Variants in TRIM24 observed in about 807,000 individuals in gnomAD.
The protein encoded by TRIM24 is transcription intermediary factor 1-alpha.
A neutral mutation model predicts 123.9 loss-of-function variants in TRIM24; 29 were observed. That is an observed-to-expected ratio of 0.23 (90% CI 0.17 to 0.32). The LOEUF is 0.32. Among genes scored for constraint, TRIM24 ranks in the 10% least tolerant of loss-of-function variants. TRIM24 has a pLI of 1.00. For synonymous variants in TRIM24, 456 were observed against 461.1 expected, an observed-to-expected ratio of 0.99 and a Z score of 0.14; for missense variants, 932 against 1,295.3, an observed-to-expected ratio of 0.72 and a Z score of 4.31.
At chr7:138,493,593 T>C (rs1795841527) in intron 1 of TRIM24, among the ~76,000 whole-genome samples, 1 of 152,214 alleles carries the variant, frequency 6.6e-6, no homozygotes, top group Admixed American at 6.5e-5. Flanking sequence ...CTGATAGATG[T>C]CACCAGAGAA....
chr7:138,477,018 AG>A (rs1795417986), intron 1 of TRIM24, among the ~76,000 whole-genome samples: 1 of 151,256 alleles, frequency 6.6e-6, no homozygotes, highest in African/African-American at 2.4e-5. Flanking sequence ...GTAGAAATCA[AG>A]GTGCAGAAGA....
intron 7 of TRIM24, 27 bp from the exon 8 acceptor site, chr7:138,551,036 T>C (rs1797200373): frequency 6.3e-7 from 1 of 1,584,568 alleles, no homozygotes; most frequent in Non-Finnish European, 8.7e-7. Context: ...TTGCCTAATA[T>C]TTAGTTATCT....
intron 4 of TRIM24, 52 bp downstream of exon 4, chr7:138,519,373 T>TAA: frequency 6.5e-7 from 1 of 1,534,348 alleles, no homozygotes. Flanking sequence ...TTTAGAGGAC[T>TAA]AAAGGACTGC....
chr7:138,575,284 CAGG>C (rs1256100203), intron 12 of TRIM24, among the ~76,000 whole-genome samples: 5 of 151,944 alleles, frequency 3.3e-5, no homozygotes, highest in Non-Finnish European at 7.4e-5. Context: ...CTTATATTAT[CAGG>C]AGATTATAAA....
intron 1 of TRIM24, among the ~76,000 whole-genome samples, chr7:138,479,808 TATTTTATTTTTTA>T (rs1222703846): frequency 2.0e-5 from 3 of 147,750 alleles, no homozygotes; most frequent in East Asian, 4.1e-4. Context: ...GCCCGGCATT[TATTTTATTTTTTA>T]ATTTTATTTT....
chr7:138,508,708 C>CGTGGGCGT (rs1554436689), intron 2 of TRIM24, among the ~76,000 whole-genome samples: 1 of 136,194 alleles, frequency 7.3e-6, no homozygotes. Flanking sequence ...CGCGTGTGTG[C>CGTGGGCGT]GTGTGTGTGT....
At chr7:138,538,603 C>G in intron 6 of TRIM24, 54 bp from the exon 7 acceptor site, 1 of 1,573,570 alleles carries the variant, frequency 6.4e-7, no homozygotes, top group Non-Finnish European at 8.7e-7. Context: ...AAATGACCAT[C>G]AAAGTCTATG....
chr7:138,504,091 T>G (rs114784398), intron 1 of TRIM24, among the ~76,000 whole-genome samples, 199 bp from the exon 2 acceptor site: 1,985 of 152,248 alleles, frequency 0.013, 36 homozygotes, highest in African/African-American at 0.045. Flanking sequence ...TATGAAAAAT[T>G]TATTTATCAT....
At chr7:138,533,771 A>T (rs902317002) in intron 6 of TRIM24, among the ~76,000 whole-genome samples, 2 of 152,116 alleles carry the variant, frequency 1.3e-5, no homozygotes, top group African/African-American at 4.8e-5. Flanking sequence ...TATTCGTTGG[A>T]ATAGTTTCAG....
At chr7:138,563,563 C>T (rs1797471123) in intron 9 of TRIM24, among the ~76,000 whole-genome samples, 1 of 152,192 alleles carries the variant, frequency 6.6e-6, no homozygotes, top group African/African-American at 2.4e-5. Flanking sequence ...TAATATACAT[C>T]TTGGTGGCCA....
chr7:138,563,054 A>G (rs1797460139), intron 9 of TRIM24, among the ~76,000 whole-genome samples: 4 of 152,160 alleles, frequency 2.6e-5, no homozygotes, highest in African/African-American at 9.7e-5. Flanking sequence ...ATAGTTGTAT[A>G]GTTTTTGGAT....
At chr7:138,482,348 T>G (rs531304126) in intron 1 of TRIM24, among the ~76,000 whole-genome samples, 27 of 152,290 alleles carry the variant, frequency 1.8e-4, no homozygotes, top group South Asian at 4.1e-4. Context: ...TTTTAGCTAT[T>G]TGAATTATCA....
intron 1 of TRIM24, among the ~76,000 whole-genome samples, chr7:138,482,458 G>A (rs981338278): frequency 6.6e-6 from 1 of 152,146 alleles, no homozygotes; most frequent in Admixed American, 6.6e-5. Flanking sequence ...ATATTATTAT[G>A]CTTCTTAATT....
rs1798015085 is a variant in TRIM24, at chr7:138,586,135, A to G, written c.*1184A>G. On this transcript the variant is annotated 3_prime_UTR_variant, in exon 19 of 19. Transcript: ENST00000343526. ...GGTACAAAAGACTTATCTTCTGAGG[A>G]CAAGCATATTCTTAATGTGCCAGAC... 2.9e-6 allele frequency: 1 copy of G among 348,258 alleles called. No homozygotes were observed. The highest frequency in any genetic ancestry group is 5.7e-6 in the Non-Finnish European group (1 of 176,878). The allele number at this position is 348,258 out of a possible 1,614,324, so 21.6% of individuals were successfully genotyped here.
chr7:138,467,180 G>T (rs1320334216), intron 1 of TRIM24, among the ~76,000 whole-genome samples: 2 of 151,964 alleles, frequency 1.3e-5, no homozygotes, highest in African/African-American at 4.8e-5. Context: ...TTGACAGTTT[G>T]TTCTTTTTCA....
intron 6 of TRIM24, among the ~76,000 whole-genome samples, chr7:138,532,905 G>T (rs550230689): frequency 6.6e-6 from 1 of 152,254 alleles, no homozygotes; most frequent in African/African-American, 2.4e-5. Flanking sequence ...GTGGTTTGTA[G>T]TTCTCCATGA....
chr7:138,573,440 A>G, intron 11 of TRIM24, 67 bp from the exon 12 acceptor site: 1 of 1,392,092 alleles, frequency 7.2e-7, no homozygotes, highest in East Asian at 2.5e-5. Context: ...AAGCTTTCTT[A>G]TAAATTTAAA....
chr7:138,543,450 T>A (rs558132012), intron 7 of TRIM24, among the ~76,000 whole-genome samples: 68 of 152,322 alleles, frequency 4.5e-4, no homozygotes, highest in African/African-American at 1.6e-3. Flanking sequence ...TCAGAAAATG[T>A]GAAAATCATT....
intron 7 of TRIM24, among the ~76,000 whole-genome samples, chr7:138,540,744 A>C (rs928009793): frequency 2.0e-5 from 3 of 152,256 alleles, no homozygotes; most frequent in African/African-American, 7.2e-5. Context: ...CATCTAGAAT[A>C]ATGAATCCTT....
Sources: gnomAD v4.1 joint callset for allele counts (sites outside exome capture counted in the v4.1 genomes callset) on GRCh38, gnomAD v4.1.1 for gene constraint, MANE v1.5 for transcripts, NCBI Gene and HGNC (gene_info 2026-07-23, HGNC 2026-07-21) for gene names.